DDHD2: variants seen among roughly 807,000 people sequenced by gnomAD.
DDHD2 encodes DDHD domain containing 2.
In DDHD2, 62 loss-of-function variants were observed where a neutral mutation model predicts 91.2. That is an observed-to-expected ratio of 0.68 (90% CI 0.55 to 0.84). The LOEUF (loss-of-function observed/expected upper bound fraction) is 0.84, where lower values mean the gene tolerates loss of function less well. Ranked by LOEUF, DDHD2 falls within the 40% of genes least tolerant of loss-of-function variation. The pLI, the probability that DDHD2 is intolerant of heterozygous loss-of-function variation, is 0.00. For synonymous variants in DDHD2, 271 were observed against 293.9 expected (o/e 0.92, Z 0.80); for missense variants, 740 against 846.9 (o/e 0.87, Z 1.57).
At chr8:38,264,777 G>T, downstream of DDHD2, 1 of 1,477,420 alleles carries the variant, frequency 6.8e-7, no homozygotes, top group East Asian at 2.4e-5. Context: ...TTTTATCATA[G>T]TTACAGTATT....
chr8:38,260,216 C>T (rs1417226269), intron 17 of DDHD2, 69 bp downstream of exon 17: 2 of 854,618 alleles, frequency 2.3e-6, no homozygotes, highest in African/African-American at 3.4e-5. Flanking sequence ...AACTATGGAG[C>T]CTCAAGCTCT....
chr8:38,236,977 A>G (rs1804824334), intron 3 of DDHD2, among the ~76,000 whole-genome samples: 1 of 152,136 alleles, frequency 6.6e-6, no homozygotes. Context: ...GAACATTAAT[A>G]TTAATATATT....
At chr8:38,244,312 G>C (rs964802441) in intron 7 of DDHD2, among the ~76,000 whole-genome samples, 12 of 151,898 alleles carry the variant, frequency 7.9e-5, no homozygotes, top group African/African-American at 2.9e-4. Context: ...ACCCAGGCTG[G>C]AGTGCAGTGG....
At chr8:38,235,208 TGAAAG>T (rs941461020) in intron 3 of DDHD2, among the ~76,000 whole-genome samples, 1 of 152,084 alleles carries the variant, frequency 6.6e-6, no homozygotes, top group African/African-American at 2.4e-5. Flanking sequence ...TTTCAATCCT[TGAAAG>T]GAAAATATTG....
intron 1 of DDHD2, 103 bp from the exon 2 acceptor site, chr8:38,232,884 T>C: frequency 1.5e-6 from 1 of 685,846 alleles, no homozygotes; most frequent in South Asian, 2.0e-5. Context: ...TTGTTGTTGT[T>C]GTTGCAGAAA....
At position 38,252,159 on chromosome 8, in the gene DDHD2, T is replaced by C; in HGVS notation, c.1489T>C (p.Tyr497His). The C allele has an allele frequency of 6.2e-7, 1 of 1,614,144 alleles. No individual in the cohort carries two copies. Residue 497 changes from tyrosine to histidine, a missense_variant, in exon 13 of 18, where the codon TAT becomes CAT. Transcript: ENST00000397166. ...GTCTGTGAAATACCCCCGGCTCATC[T>C]ATAAACCAGAGATATTCTTTGCCTT... ...QVSVKYPRLI[Y>H]KPEIFFAFGS...
downstream of DDHD2, chr8:38,273,318 T>C (rs1050255485): frequency 6.6e-6 from 1 of 152,208 alleles, no homozygotes; most frequent in African/African-American, 2.4e-5. Flanking sequence ...TCTACTCTGA[T>C]TTCTGAAATG....
In DDHD2 at chr8:38,240,368, G is replaced by A. The variant is rs1230019993; in HGVS notation, c.712+4G>A. 1 of 1,590,910 alleles carries A rather than the reference G, an allele frequency of 6.3e-7. No individual in the cohort carries two copies. Among genetic ancestry groups the A allele is most frequent in the Non-Finnish European group, 8.6e-7 (1 of 1,162,214 alleles). On this transcript the variant is annotated splice_donor_region_variant and intron_variant, in intron 6 of 17. Transcript: ENST00000397166. Reference sequence around the variant, plus strand: ...TTTCGAAGCATTGTACAGTGTGGTAGGTTTGCAAAGCATGTGAGAGAATAT... The same window carrying A: ...TTTCGAAGCATTGTACAGTGTGGTAAGTTTGCAAAGCATGTGAGAGAATAT...
rs1432007509 is a variant in DDHD2, at chr8:38,269,135, G to A, written n.88-1987G>A. On this transcript the variant is annotated intron_variant and non_coding_transcript_variant, in intron 1 of 1. Transcript: ENST00000526071. ...CGTGGATCTTTCTTACAGGAAGGCC[G>A]CGAACAGCGCGAGCCGCACGCCCAC... 3.3e-6 allele frequency: 5 copies of A among 1,519,920 alleles called. No homozygotes were observed. Among genetic ancestry groups the A allele is most frequent in the Non-Finnish European group, 4.4e-6 (5 of 1,140,690 alleles). The allele number at this position is 1,519,920 out of a possible 1,614,324, so 94.2% of individuals were successfully genotyped here.
At chr8:38,269,100 CG>C in intron 1 of DDHD2, 1 of 1,525,890 alleles carries the variant, frequency 6.6e-7, no homozygotes, top group Non-Finnish European at 8.8e-7. Flanking sequence ...CGGGGCCGCC[CG>C]GGCCCGGCCG....
chr8:38,263,633 C>T (rs1807208237), downstream of DDHD2: 1 of 985,264 alleles, frequency 1.0e-6, no homozygotes, highest in Non-Finnish European at 1.2e-6. Context: ...TGATAAATTA[C>T]CCTAGATTCG....
intron 5 of DDHD2, chr8:38,238,736 C>T: frequency 1.1e-6 from 1 of 904,436 alleles, no homozygotes; most frequent in Non-Finnish European, 1.3e-6. Flanking sequence ...TAAAAACATA[C>T]CAAACATTGA....
intron 11 of DDHD2, chr8:38,251,652 T>G: frequency 3.2e-6 from 1 of 313,668 alleles, no homozygotes; most frequent in Non-Finnish European, 5.8e-6. Context: ...CTTCCTAGAA[T>G]TTTTGGCTGC....
chr8:38,240,413 C>T lies in DDHD2; in HGVS notation c.712+49C>T, dbSNP rs1805160825. The T allele has an allele frequency of 3.0e-6, 4 of 1,336,648 alleles. No homozygotes were observed. The East Asian group carries it at 9.4e-5, about 31-fold the overall frequency. 82.8% of individuals were successfully genotyped at this position (1,336,648 alleles called of 1,614,324 possible). On this transcript the variant is annotated intron_variant, in intron 6 of 17. Coordinates refer to ENST00000397166, the MANE Select transcript of DDHD2 (RefSeq NM_015214.3). ...GAATATTAATCAGTGCTCTTGTGAG[C>T]TGAGATAAAGCCTTGTCTTTGGTCT...
At position 38,261,945 on chromosome 8, in the gene DDHD2, T is replaced by C. The variant is rs920598358; in HGVS notation, c.*1372T>C. ...TTTATAAATTTTTTTATAAATGTTA[T>C]GGTATTCAAAGCCACTGACATTTAA... On this transcript the variant is annotated 3_prime_UTR_variant, in exon 18 of 18. Coordinates refer to ENST00000397166, the MANE Select transcript of DDHD2 (RefSeq NM_015214.3). 1.3e-5 allele frequency: 2 copies of C among 152,222 alleles called. No homozygotes were observed. Among genetic ancestry groups the C allele is most frequent in the African/African-American group, 4.8e-5 (2 of 41,454 alleles). 9.4% of individuals were successfully genotyped at this position (152,222 alleles called of 1,614,324 possible).
At chr8:38,266,264 A>G, downstream of DDHD2, 1 of 1,613,720 alleles carries the variant, frequency 6.2e-7, no homozygotes, top group South Asian at 1.1e-5. Flanking sequence ...AAGCAGTGTA[A>G]CTTCCCTGCC....
chr8:38,269,071 C>T (rs1585834591), intron 1 of DDHD2: 1 of 1,524,378 alleles, frequency 6.6e-7, no homozygotes, highest in Middle Eastern at 1.8e-4. Context: ...CGCCCCGTGC[C>T]GCCCGCCTGC....
chr8:38,264,494 C>T (rs1807285463), downstream of DDHD2: 1 of 1,554,524 alleles, frequency 6.4e-7, no homozygotes, highest in East Asian at 2.4e-5. Flanking sequence ...GTGGAAAGTA[C>T]AAGTTTGTCT....
At chr8:38,267,780 A>G, downstream of DDHD2, 1 of 1,075,722 alleles carries the variant, frequency 9.3e-7, no homozygotes, top group Non-Finnish European at 1.4e-6. Flanking sequence ...AAGAAAAATC[A>G]GAGTGAAGAT....
Sources: gnomAD v4.1 joint callset for allele counts (sites outside exome capture counted in the v4.1 genomes callset) on GRCh38, gnomAD v4.1.1 for gene constraint, MANE v1.5 for transcripts, NCBI Gene and HGNC (gene_info 2026-07-23, HGNC 2026-07-21) for gene names.